Variants in SLC35F4 observed in about 807,000 individuals in gnomAD.
The protein encoded by SLC35F4 is solute carrier family 35 member F4.
In SLC35F4, 24 loss-of-function variants were observed where a neutral mutation model predicts 44.2. The ratio of observed to expected loss-of-function variants is 0.54; its 90% CI spans 0.39 to 0.76. SLC35F4 has a LOEUF of 0.76. Ranked by LOEUF, SLC35F4 falls within the 30% of genes least tolerant of loss-of-function variation. SLC35F4 has a pLI of 0.00. For synonymous variants in SLC35F4, 238 were observed against 223.6 expected, an observed-to-expected ratio of 1.06 and a Z score of -0.57; for missense variants, 562 against 586.1, an observed-to-expected ratio of 0.96 and a Z score of 0.42.
intron 1 of SLC35F4, among the ~76,000 whole-genome samples, chr14:57,916,769 G>A (rs1352592047): frequency 6.6e-6 from 1 of 152,118 alleles, no homozygotes; most frequent in Non-Finnish European, 1.5e-5. Flanking sequence ...TTAGCATCAT[G>A]TAATATGCCC....
intron 1 of SLC35F4, among the ~76,000 whole-genome samples, chr14:57,721,409 G>T (rs2076083231): frequency 6.6e-6 from 1 of 152,116 alleles, no homozygotes; most frequent in South Asian, 2.1e-4. Context: ...TAAGTTCAGT[G>T]GACAAAGTGA....
intron 1 of SLC35F4, chr14:57,630,001 G>T: frequency 1.9e-6 from 1 of 530,878 alleles, no homozygotes; most frequent in East Asian, 5.3e-5. Context: ...TGGTCATTAT[G>T]GTCCTATAGT....
rs191732077 is a variant in SLC35F4 at position 57,637,606 on chromosome 14, C to T, written c.104-43482G>A. Among the ~76,000 whole-genome samples the T allele has an allele frequency of 1.6e-4, 25 of 152,244 alleles. 1 individual carries two copies. The East Asian group carries it at 3.3e-3, about 20-fold the overall frequency. Reference sequence around the variant, plus strand: ...CTGTACTAGAAGCAGGCTCAATCTTCCAGGCTAACTGAAGGAGGTACTAAA... The same window carrying T: ...CTGTACTAGAAGCAGGCTCAATCTTTCAGGCTAACTGAAGGAGGTACTAAA... On this transcript the variant is annotated intron_variant, in intron 1 of 7. Transcript: ENST00000556826.
chr14:57,947,006 G>A (rs1401456423), intron 1 of SLC35F4, among the ~76,000 whole-genome samples: 1 of 151,310 alleles, frequency 6.6e-6, no homozygotes, highest in Non-Finnish European at 1.5e-5. Context: ...TTTTTTTCTA[G>A]TTCTGTGAAG....
chr14:57,881,973 A>G (rs1888544453), intron 1 of SLC35F4, among the ~76,000 whole-genome samples: 1 of 152,126 alleles, frequency 6.6e-6, no homozygotes. Flanking sequence ...AATTTGAGAG[A>G]GCAGAGATGC....
intron 1 of SLC35F4, among the ~76,000 whole-genome samples, chr14:57,761,386 G>A (rs1950997): frequency 0.44 from 66,509 of 151,792 alleles, 14,641 homozygotes; most frequent in South Asian, 0.56. Context: ...ACAACTAGGT[G>A]AAATGTAAAG....
intron 1 of SLC35F4, among the ~76,000 whole-genome samples, chr14:57,810,204 A>G (rs1273518900): frequency 6.6e-6 from 1 of 152,066 alleles, no homozygotes; most frequent in Non-Finnish European, 1.5e-5. Flanking sequence ...AGGCATTGTT[A>G]ACACCTGTAC....
At chr14:57,943,190 G>A (rs1889946438) in intron 1 of SLC35F4, among the ~76,000 whole-genome samples, 1 of 152,200 alleles carries the variant, frequency 6.6e-6, no homozygotes, top group African/African-American at 2.4e-5. Flanking sequence ...TATGACCTCA[G>A]TTCCTGGTGC....
At chr14:57,901,711 G>T (rs756231613) in intron 1 of SLC35F4, among the ~76,000 whole-genome samples, 4 of 152,108 alleles carry the variant, frequency 2.6e-5, no homozygotes, top group Non-Finnish European at 4.4e-5. Context: ...AAAAGAGAAT[G>T]CCTAATAAAT....
rs71104589 is a variant in SLC35F4, at chr14:57,865,058, A to ACCC, written c.103+662_103+664dup. 4.7e-3 allele frequency among the ~76,000 whole-genome samples: 589 copies of ACCC among 125,074 alleles called. 6 individuals carry two copies. Among genetic ancestry groups the ACCC allele is most frequent in the Non-Finnish European group, 6.8e-3 (399 of 58,822 alleles). The allele number at this position is 125,074 out of a possible 152,430, so 82.1% of individuals were successfully genotyped here. On this transcript the variant is annotated intron_variant, in intron 1 of 7. Transcript: ENST00000556826. ...TGGCCCTGTCGCCTCCCCTTCTCAGACCCCCCCCCCCCACGCCCCCAGTCT... is the reference window on the plus strand; with the variant it reads ...TGGCCCTGTCGCCTCCCCTTCTCAGACCCCCCCCCCCCCCCACGCCCCCAGTCT...
intron 1 of SLC35F4, among the ~76,000 whole-genome samples, chr14:57,945,214 G>T (rs1890001997): frequency 6.6e-6 from 1 of 152,044 alleles, no homozygotes; most frequent in African/African-American, 2.4e-5. Context: ...TGTTAAGGTG[G>T]CTGTTTGCTG....
chr14:57,640,831 G>T (rs1369161216), intron 1 of SLC35F4, among the ~76,000 whole-genome samples: 1 of 151,796 alleles, frequency 6.6e-6, no homozygotes, highest in African/African-American at 2.4e-5. Context: ...GATGAGAAAA[G>T]AATTAGCTTA....
intron 1 of SLC35F4, among the ~76,000 whole-genome samples, chr14:57,769,007 C>T (rs1002878115): frequency 6.6e-6 from 1 of 152,124 alleles, no homozygotes; most frequent in Non-Finnish European, 1.5e-5. Context: ...CCTGCCTTCA[C>T]CTTGGTTCCC....
intron 1 of SLC35F4, among the ~76,000 whole-genome samples, chr14:57,655,971 G>A (rs1415730992): frequency 3.3e-5 from 5 of 152,042 alleles, no homozygotes; most frequent in Admixed American, 3.3e-4. Context: ...GCATTCCTGA[G>A]GAGTACAGGA....
chr14:57,766,309 C>T (rs1275632285), intron 1 of SLC35F4, among the ~76,000 whole-genome samples: 1 of 152,182 alleles, frequency 6.6e-6, no homozygotes, highest in East Asian at 1.9e-4. Flanking sequence ...TCTCATGGTC[C>T]TGAAACTTCA....
rs149352900 is a variant in SLC35F4 at position 57,781,776 on chromosome 14, C to T, written c.103+83947G>A. ...GTCCTTTGCAGGAAAATGAATGGAG[C>T]TGGAGGCCATCATCCTTAGCAAACT... is the stretch of plus-strand genomic sequence containing the variant. On this transcript the variant is annotated intron_variant, in intron 1 of 7. Coordinates refer to ENST00000556826, the MANE Select transcript of SLC35F4 (RefSeq NM_001306087.2). 3.3e-3 allele frequency among the ~76,000 whole-genome samples: 501 copies of T among 152,216 alleles called. 1 individual carries two copies. Among genetic ancestry groups the T allele is most frequent in the African/African-American group, 0.012 (487 of 41,536 alleles).
At chr14:57,569,134 G>A (rs981092957) in intron 6 of SLC35F4, among the ~76,000 whole-genome samples, 2 of 152,074 alleles carry the variant, frequency 1.3e-5, no homozygotes, top group Non-Finnish European at 2.9e-5. Flanking sequence ...ACTCAGCCAG[G>A]ATCACCAAGC....
At chr14:57,685,818 C>G (rs1204214651) in intron 1 of SLC35F4, among the ~76,000 whole-genome samples, 2 of 152,162 alleles carry the variant, frequency 1.3e-5, no homozygotes, top group African/African-American at 4.8e-5. Context: ...CAAAATTTTA[C>G]TTATGAGCAG....
At chr14:57,926,944 T>C (rs1422656161) in intron 1 of SLC35F4, among the ~76,000 whole-genome samples, 7 of 152,070 alleles carry the variant, frequency 4.6e-5, no homozygotes, top group Non-Finnish European at 1.0e-4. Context: ...GTAGAGGAGA[T>C]GCAACGCTGA....
Sources: allele counts gnomAD v4.1 joint callset (sites outside exome capture counted in the v4.1 genomes callset), GRCh38; gene constraint gnomAD v4.1.1; transcripts MANE v1.5; gene names NCBI Gene and HGNC (gene_info 2026-07-23, HGNC 2026-07-21).